The following CADPS variants were observed in gnomAD, a reference collection of about 807,000 sequenced individuals.
The protein encoded by CADPS is calcium dependent secretion activator, also known as calcium-dependent secretion activator 1.
A neutral mutation model predicts 167.3 loss-of-function variants in CADPS; 57 were observed. That is an observed-to-expected ratio of 0.34 (90% CI 0.28 to 0.42). CADPS has a LOEUF of 0.42. Ranked by LOEUF, CADPS falls within the 20% of genes least tolerant of loss-of-function variation. The probability of loss-of-function intolerance (pLI) is 1.00; values close to 1 mark genes in which losing one functional copy is unlikely to be tolerated. For synonymous variants in CADPS, 676 were observed against 635.3 expected (o/e 1.06, Z -0.96); for missense variants, 1,414 against 1,738.1 (o/e 0.81, Z 3.32).
chr3:62,546,063 A>G (rs1157722414), intron 11 of CADPS, among the ~76,000 whole-genome samples: 1 of 152,216 alleles, frequency 6.6e-6, no homozygotes, highest in Non-Finnish European at 1.5e-5. Flanking sequence ...TGCAGAGTTA[A>G]GTACTTAACA....
rs537631233 is a variant in CADPS, at chr3:62,851,954, C to T, written c.441+22635G>A. On this transcript the variant is annotated intron_variant, in intron 1 of 29. Coordinates refer to ENST00000383710, the MANE Select transcript of CADPS (RefSeq NM_003716.4). ...GGTCTTTTCACATAGTTCCATATTT[C>T]TTGGAGGCTTTGCTCATTTCTTTTT... is the stretch of plus-strand genomic sequence containing the variant. Among the ~76,000 whole-genome samples, 8 of 151,566 alleles carry T rather than the reference C, an allele frequency of 5.3e-5. No homozygotes were observed. The East Asian group carries it at 1.6e-3, about 29-fold the overall frequency.
Position 62,602,162 on chromosome 3 carries a change from C to T in CADPS, c.1326-9414G>A, listed in dbSNP as rs1371896424. 6.6e-6 allele frequency among the ~76,000 whole-genome samples: 1 copy of T among 150,642 alleles called. No homozygotes were observed. The highest frequency in any genetic ancestry group is 1.5e-5 in the Non-Finnish European group (1 of 67,944). ...AACATCCACTGCAAACCTTTGACAA[C>T]AGAGTGATATTTACGAATGCATATG... On this transcript the variant is annotated intron_variant, in intron 6 of 29. Transcript: ENST00000383710. This position sits in a 1 kb window ranked among gnomAD's most constrained non-coding sequence, Gnocchi z 4.4.
chr3:62,859,169 T>C (rs2080278613), intron 1 of CADPS, among the ~76,000 whole-genome samples: 1 of 152,208 alleles, frequency 6.6e-6, no homozygotes, highest in Admixed American at 6.5e-5. Context: ...ACAATATATA[T>C]AATGTTGAAT....
At position 62,548,763 on chromosome 3, in the gene CADPS, C is replaced by G. The variant is rs148362074; in HGVS notation, c.1966+1140G>C. On this transcript the variant is annotated intron_variant, in intron 11 of 29. Transcript: ENST00000383710. ...TTTGTTTTCCTTCAGCTGCAATTCT[C>G]TTTCCTCAAATATCTGTGGGGCTGA... Among the ~76,000 whole-genome samples, 329 of 152,352 alleles carry G rather than the reference C, an allele frequency of 2.2e-3. 1 individual carries two copies. The highest frequency in any genetic ancestry group is 6.8e-3 in the Middle Eastern group (2 of 294).
At chr3:62,561,139 T>TG (rs960677562) in intron 9 of CADPS, among the ~76,000 whole-genome samples, 4 of 143,522 alleles carry the variant, frequency 2.8e-5, no homozygotes, top group Non-Finnish European at 4.5e-5. Context: ...AGATAGTGTG[T>TG]GGGGGGTGAG....
At chr3:62,605,812 C>T (rs2060619156) in intron 6 of CADPS, among the ~76,000 whole-genome samples, 1 of 152,176 alleles carries the variant, frequency 6.6e-6, no homozygotes, top group Non-Finnish European at 1.5e-5. Context: ...AGTGACATCT[C>T]AAAGATGCAC....
intron 6 of CADPS, among the ~76,000 whole-genome samples, chr3:62,639,444 G>T (rs1008671763): frequency 5.3e-5 from 8 of 152,082 alleles, no homozygotes; most frequent in East Asian, 1.9e-4. Context: ...GGCCTTTGAA[G>T]TTCTCAAAAG....
rs577426710 is a variant in CADPS, at chr3:62,431,397, C to A, written c.3777+6707G>T. Among the ~76,000 whole-genome samples the A allele has an allele frequency of 9.2e-5, 14 of 152,164 alleles. No homozygotes were observed. The South Asian group carries it at 2.3e-3, about 25-fold the overall frequency. On this transcript the variant is annotated intron_variant, in intron 28 of 29. Transcript: ENST00000383710. Reference sequence around the variant, plus strand: ...GTGAGTTTTTTACAGTTTAGCCCCCCCTCAATCTTTTTTTTTTAAACTAGC... The same window carrying A: ...GTGAGTTTTTTACAGTTTAGCCCCCACTCAATCTTTTTTTTTTAAACTAGC...
At chr3:62,624,901 ATC>A (rs2063775520) in intron 6 of CADPS, among the ~76,000 whole-genome samples, 1 of 152,060 alleles carries the variant, frequency 6.6e-6, no homozygotes, top group African/African-American at 2.4e-5. Flanking sequence ...CAGCTGCTTG[ATC>A]CAGGTATGAG....
Position 62,592,619 on chromosome 3 carries a change from G to C in CADPS, c.1437+18C>G, listed in dbSNP as rs371764839. The C allele has an allele frequency of 9.6e-5, 152 of 1,585,364 alleles. No homozygotes were observed. Among genetic ancestry groups the C allele is most frequent in the Middle Eastern group, 3.3e-4 (2 of 6,020 alleles). On this transcript the variant is annotated intron_variant, in intron 7 of 29. Transcript: ENST00000383710. ...AAATCCTCTCTGTGGAGTTCCCCTT[G>C]TGATAAGAAGTGCTTACCCGCCCAA...
At chr3:62,567,411 A>G (rs2080424548) in intron 9 of CADPS, among the ~76,000 whole-genome samples, 1 of 151,892 alleles carries the variant, frequency 6.6e-6, no homozygotes, top group South Asian at 2.1e-4. Flanking sequence ...AGAGGGAAAG[A>G]CACAAAAAAG....
At chr3:62,553,973 C>T (rs1235259788) in intron 10 of CADPS, among the ~76,000 whole-genome samples, 1 of 152,102 alleles carries the variant, frequency 6.6e-6, no homozygotes, top group Non-Finnish European at 1.5e-5. Flanking sequence ...TGGAGGCAGA[C>T]CAGGCAAAGG....
At chr3:62,403,403 G>C in intron 28 of CADPS, 1 of 353,154 alleles carries the variant, frequency 2.8e-6, no homozygotes, top group Non-Finnish European at 5.1e-6. Context: ...ATCTAAGACA[G>C]TTAGGACTTC....
intron 6 of CADPS, among the ~76,000 whole-genome samples, chr3:62,621,771 C>T (rs945831926): frequency 3.3e-5 from 5 of 151,956 alleles, no homozygotes; most frequent in African/African-American, 1.2e-4. Context: ...CCCCAGTGTG[C>T]GTTATTCCCC....
At position 62,476,925 on chromosome 3, in the gene CADPS, C is replaced by T. The variant is rs576145451; in HGVS notation, c.3329+1336G>A. On this transcript the variant is annotated intron_variant, in intron 23 of 29. Transcript: ENST00000383710. ...CTAGGAGATCGTGGAATTCAAGACC[C>T]TAAGGAAATATTTTGATCTTGAGTT... Among the ~76,000 whole-genome samples, 65 of 152,122 alleles carry T rather than the reference C, an allele frequency of 4.3e-4. 1 individual carries two copies. In the South Asian group the frequency reaches 0.013, roughly 30 times the overall value.
chr3:62,841,726 G>A (rs2076679841), intron 1 of CADPS, among the ~76,000 whole-genome samples: 2 of 152,196 alleles, frequency 1.3e-5, no homozygotes, highest in African/African-American at 2.4e-5. Flanking sequence ...ATATCAAGAG[G>A]GAATAAGATG....
rs187364806 is a variant in CADPS, at chr3:62,699,848, G to A, written c.889-37454C>T. ...CCTCCCAAAGTGCTGGGAGTACACC[G>A]TGCCTGGCCTGTTTTTGTAAAGTTG... On this transcript the variant is annotated intron_variant, in intron 3 of 29. Coordinates refer to ENST00000383710, the MANE Select transcript of CADPS (RefSeq NM_003716.4). Among the ~76,000 whole-genome samples the A allele has an allele frequency of 1.2e-4, 18 of 152,162 alleles. 1 individual carries two copies. In the South Asian group the frequency reaches 1.2e-3, roughly 11 times the overall value.
At chr3:62,635,654 T>C (rs1035202270) in intron 6 of CADPS, among the ~76,000 whole-genome samples, 11 of 151,848 alleles carry the variant, frequency 7.2e-5, no homozygotes, top group Admixed American at 7.2e-4. Flanking sequence ...CTGTTTTTTT[T>C]TTTTTTTTTC....
intron 3 of CADPS, among the ~76,000 whole-genome samples, chr3:62,726,542 T>C (rs1030807954): frequency 6.6e-6 from 1 of 151,880 alleles, no homozygotes. Context: ...CAGTCCTCAC[T>C]AGAGGAGACA....
Sources: gnomAD v4.1 joint callset for allele counts (sites outside exome capture counted in the v4.1 genomes callset) on GRCh38, gnomAD v4.1.1 for gene constraint, Gnocchi (gnomAD v3.1) non-coding constraint, MANE v1.5 for transcripts, NCBI Gene and HGNC (gene_info 2026-07-23, HGNC 2026-07-21) for gene names.